The following CLVS1 variants were observed in gnomAD, a reference collection of about 807,000 sequenced individuals.
The protein encoded by CLVS1 is clavesin 1.
Under a neutral mutation model 33.1 loss-of-function variants are expected in CLVS1, and 10 were observed. The observed-to-expected ratio is 0.30, with a 90% CI of 0.19 to 0.51. The LOEUF is 0.51. CLVS1 is among the 20% of genes least tolerant of loss of function. CLVS1 has a pLI of 0.97. For synonymous variants in CLVS1, 163 were observed against 166.1 expected, an observed-to-expected ratio of 0.98 and a Z score of 0.14; for missense variants, 343 against 433.4, an observed-to-expected ratio of 0.79 and a Z score of 1.85.
At chr8:61,335,649 A>T (rs982671346) in intron 2 of CLVS1, among the ~76,000 whole-genome samples, 4 of 152,194 alleles carry the variant, frequency 2.6e-5, no homozygotes, top group African/African-American at 9.7e-5. Flanking sequence ...ATCTAGTAAA[A>T]ATCTAGATGA....
At chr8:61,494,534 C>T (rs1021313747) in intron 5 of CLVS1, among the ~76,000 whole-genome samples, 4 of 152,024 alleles carry the variant, frequency 2.6e-5, no homozygotes, top group Admixed American at 2.0e-4. Context: ...ACAAAGCCAC[C>T]GAATGAAGAG....
At chr8:61,275,220 A>G (rs1469697802) in intron 2 of CLVS1, among the ~76,000 whole-genome samples, 3 of 152,144 alleles carry the variant, frequency 2.0e-5, no homozygotes, top group African/African-American at 7.2e-5. Context: ...TTTAAGAAAT[A>G]CAAACTGATC....
At chr8:61,358,236 G>A (rs1264888405) in intron 2 of CLVS1, among the ~76,000 whole-genome samples, 1 of 152,290 alleles carries the variant, frequency 6.6e-6, no homozygotes, top group East Asian at 1.9e-4. Flanking sequence ...TTAAATGTTT[G>A]TAAAATGTTA....
rs118036480 is a variant in CLVS1 at position 61,178,213 on chromosome 8, A to G, written c.-152+46353A>G. Among the ~76,000 whole-genome samples the G allele has an allele frequency of 2.5e-3, 381 of 152,328 alleles. 1 individual carries two copies. Among genetic ancestry groups the G allele is most frequent in the Admixed American group, 5.5e-3 (84 of 15,294 alleles). The stretch of plus-strand genomic sequence containing the variant: ...CATCTTGAAGCATACGCAAGTATCA[A>G]TAGCTGAGTAGATCAAGTGGAAGAA... On this transcript the variant is annotated intron_variant, in intron 2 of 2. Transcript: ENST00000522621.
intron 4 of CLVS1, among the ~76,000 whole-genome samples, chr8:61,455,186 G>A (rs920979112): frequency 2.0e-5 from 3 of 149,590 alleles, no homozygotes; most frequent in Admixed American, 6.6e-5. Context: ...ATTTGTGTGT[G>A]TGTGTGTGTG....
At chr8:61,485,046 T>C (rs1803821849) in intron 5 of CLVS1, among the ~76,000 whole-genome samples, 2 of 152,148 alleles carry the variant, frequency 1.3e-5, no homozygotes, top group South Asian at 4.1e-4. Context: ...AAGGACTTCT[T>C]GACTAAAACA....
chr8:61,069,974 G>A (rs1288058716), intron 1 of CLVS1, among the ~76,000 whole-genome samples: 2 of 152,000 alleles, frequency 1.3e-5, no homozygotes, highest in East Asian at 1.9e-4. Context: ...TGTATTTTTA[G>A]TAGAGACAGG....
chr8:61,336,154 G>A (rs1193708514), intron 2 of CLVS1, among the ~76,000 whole-genome samples: 1 of 152,124 alleles, frequency 6.6e-6, no homozygotes, highest in Non-Finnish European at 1.5e-5. Context: ...CCTAGGAGTT[G>A]CTATGACGCC....
intron 2 of CLVS1, among the ~76,000 whole-genome samples, chr8:61,369,034 G>C (rs956706206): frequency 6.8e-6 from 1 of 146,456 alleles, no homozygotes; most frequent in Admixed American, 6.9e-5. Flanking sequence ...TTCTCTCCCC[G>C]TCTTTCTTCC....
At chr8:60,977,841 G>T in the CLVS1 span, among the ~76,000 whole-genome samples, 3 of 152,122 alleles carry the variant, frequency 2.0e-5, no homozygotes, top group Non-Finnish European at 2.9e-5. Flanking sequence ...TAAACTCAAA[G>T]AAATCTACAC....
the CLVS1 span, among the ~76,000 whole-genome samples, chr8:61,047,832 A>G: frequency 2.6e-5 from 4 of 152,128 alleles, no homozygotes; most frequent in South Asian, 6.2e-4. Flanking sequence ...TAGGAGATAT[A>G]CCTAATGCTA....
intron 2 of CLVS1, among the ~76,000 whole-genome samples, chr8:61,347,822 C>T (rs565376288): frequency 1.3e-5 from 2 of 151,204 alleles, no homozygotes; most frequent in African/African-American, 4.8e-5. Context: ...TATGATAGTT[C>T]TATTTTTAAT....
intron 1 of CLVS1, among the ~76,000 whole-genome samples, chr8:61,081,011 A>G (rs1039059686): frequency 6.6e-6 from 1 of 152,262 alleles, no homozygotes; most frequent in African/African-American, 2.4e-5. Context: ...CTGAGTGTTC[A>G]GAAAATGTCT....
chr8:61,021,877 C>T, the CLVS1 span, among the ~76,000 whole-genome samples: 1 of 152,112 alleles, frequency 6.6e-6, no homozygotes, highest in African/African-American at 2.4e-5. Flanking sequence ...GCCCTTTCCC[C>T]TCTTTCTTAC....
At chr8:61,323,726 G>A (rs1232678250) in intron 2 of CLVS1, among the ~76,000 whole-genome samples, 2 of 151,880 alleles carry the variant, frequency 1.3e-5, no homozygotes, top group African/African-American at 4.8e-5. Context: ...TGTGTCATGG[G>A]GGTTTGTTGT....
the CLVS1 span, among the ~76,000 whole-genome samples, chr8:60,976,383 G>A: frequency 6.7e-6 from 1 of 150,120 alleles, no homozygotes; most frequent in Admixed American, 6.7e-5. Context: ...TTAGAGACAA[G>A]TTCTCACTCT....
chr8:61,048,081 G>T, the CLVS1 span, among the ~76,000 whole-genome samples: 1 of 152,200 alleles, frequency 6.6e-6, no homozygotes, highest in African/African-American at 2.4e-5. Flanking sequence ...GGAGGCGCAT[G>T]TTTGGGGTTT....
At chr8:61,455,003 A>G (rs1332513149) in intron 4 of CLVS1, among the ~76,000 whole-genome samples, 6 of 152,130 alleles carry the variant, frequency 3.9e-5, no homozygotes, top group Non-Finnish European at 7.4e-5. Flanking sequence ...ACTTTTATTT[A>G]TCTTTACCAT....
the CLVS1 span, among the ~76,000 whole-genome samples, chr8:60,969,210 G>A: frequency 6.6e-6 from 1 of 152,206 alleles, no homozygotes; most frequent in South Asian, 2.1e-4. Flanking sequence ...AATCAAAGCT[G>A]TAGTTATGGC....
Sources: allele counts gnomAD v4.1 joint callset (sites outside exome capture counted in the v4.1 genomes callset), GRCh38; gene constraint gnomAD v4.1.1; transcripts MANE v1.5; gene names NCBI Gene and HGNC (gene_info 2026-07-23, HGNC 2026-07-21).